C1orf21: variants seen among roughly 807,000 people sequenced by gnomAD.
The protein encoded by C1orf21 is chromosome 1 open reading frame 21.
A neutral mutation model predicts 18.7 loss-of-function variants in C1orf21; 3 were observed. The ratio of observed to expected loss-of-function variants is 0.16; its 90% confidence interval spans 0.07 to 0.42. C1orf21 has a LOEUF of 0.42. C1orf21 is among the 10% of genes least tolerant of loss of function. The pLI is 0.99. For synonymous variants in C1orf21, 41 were observed against 46.4 expected (o/e 0.88, Z 0.47); for missense variants, 104 against 143.6 (o/e 0.72, Z 1.41).
At chr1:184,397,192 G>A (rs1025002224) in intron 1 of C1orf21, among the ~76,000 whole-genome samples, 3 of 152,164 alleles carry the variant, frequency 2.0e-5, no homozygotes, top group Non-Finnish European at 4.4e-5. Flanking sequence ...GTATGAAGAA[G>A]TAAAACAAAT....
intron 3 of C1orf21, among the ~76,000 whole-genome samples, chr1:184,534,276 A>C (rs1050766031): frequency 1.2e-4 from 18 of 152,170 alleles, no homozygotes; most frequent in South Asian, 8.3e-4. Flanking sequence ...GAAAGGGAAA[A>C]AGAAAAGCTC....
At chr1:184,454,678 C>A (rs1384765181) in intron 1 of C1orf21, among the ~76,000 whole-genome samples, 2 of 152,072 alleles carry the variant, frequency 1.3e-5, no homozygotes, top group African/African-American at 4.8e-5. Context: ...CTCTCTTGCT[C>A]CTGTTCCTGC....
At chr1:184,464,590 A>G (rs1657359861) in intron 1 of C1orf21, among the ~76,000 whole-genome samples, 1 of 152,218 alleles carries the variant, frequency 6.6e-6, no homozygotes, top group Non-Finnish European at 1.5e-5. Context: ...TTCTGCCCTC[A>G]AAGCGCTTAG....
intron 5 of C1orf21, among the ~76,000 whole-genome samples, chr1:184,617,172 A>G (rs946571419): frequency 5.3e-5 from 8 of 152,188 alleles, no homozygotes; most frequent in African/African-American, 1.9e-4. Context: ...AATCCTGACC[A>G]TAACCCTATG....
chr1:184,616,391 T>C (rs1659824343), intron 5 of C1orf21, among the ~76,000 whole-genome samples: 1 of 152,254 alleles, frequency 6.6e-6, no homozygotes, highest in South Asian at 2.1e-4. Context: ...AGGACTGATA[T>C]AAATAGTACG....
intron 1 of C1orf21, among the ~76,000 whole-genome samples, chr1:184,476,990 A>T (rs1035179248): frequency 2.6e-5 from 4 of 152,250 alleles, no homozygotes; most frequent in South Asian, 2.1e-4. Context: ...AGCCTCCTGA[A>T]CTAGGTGGAT....
intron 1 of C1orf21, among the ~76,000 whole-genome samples, chr1:184,437,025 A>G (rs771830752): frequency 6.6e-6 from 1 of 152,114 alleles, no homozygotes. Context: ...ATTGTTGACA[A>G]CCCAGGGCCT....
intron 3 of C1orf21, among the ~76,000 whole-genome samples, chr1:184,589,568 T>C (rs1221299169): frequency 6.6e-6 from 1 of 152,250 alleles, no homozygotes; most frequent in East Asian, 1.9e-4. Flanking sequence ...TGTTTTATCC[T>C]TCTTAAATGT....
At chr1:184,529,427 GAGA>G (rs1054322512) in intron 3 of C1orf21, among the ~76,000 whole-genome samples, 31 of 152,210 alleles carry the variant, frequency 2.0e-4, no homozygotes, top group African/African-American at 7.0e-4. Context: ...AGACATGGAG[GAGA>G]AGAACAATCA....
At chr1:184,563,532 C>T (rs1010108501) in intron 3 of C1orf21, among the ~76,000 whole-genome samples, 13 of 152,116 alleles carry the variant, frequency 8.5e-5, no homozygotes, top group African/African-American at 3.1e-4. Flanking sequence ...AATTTCAGGC[C>T]GTCAGACTAG....
At chr1:184,389,548 G>A (rs1655937751) in intron 1 of C1orf21, among the ~76,000 whole-genome samples, 1 of 152,200 alleles carries the variant, frequency 6.6e-6, no homozygotes, top group African/African-American at 2.4e-5. Flanking sequence ...GATTCTTGAA[G>A]AATCACAGGG....
intron 3 of C1orf21, among the ~76,000 whole-genome samples, chr1:184,523,136 G>T (rs1418590730): frequency 2.6e-5 from 4 of 152,168 alleles, no homozygotes; most frequent in Admixed American, 1.3e-4. Flanking sequence ...CCCTTGAGGA[G>T]GTGGAACATT....
At chr1:184,613,889 C>G (rs1181184217) in intron 5 of C1orf21, among the ~76,000 whole-genome samples, 1 of 151,928 alleles carries the variant, frequency 6.6e-6, no homozygotes, top group Non-Finnish European at 1.5e-5. Flanking sequence ...ACAGGGAAAT[C>G]CCAGCTACTT....
intron 3 of C1orf21, among the ~76,000 whole-genome samples, chr1:184,545,306 C>G (rs1658713532): frequency 6.6e-6 from 1 of 151,956 alleles, no homozygotes; most frequent in African/African-American, 2.4e-5. Flanking sequence ...TCTGTATGTG[C>G]AGATATGAAA....
chr1:184,501,161 C>G (rs1026428887), intron 2 of C1orf21, among the ~76,000 whole-genome samples: 1 of 152,198 alleles, frequency 6.6e-6, no homozygotes, highest in Non-Finnish European at 1.5e-5. Flanking sequence ...GCTTCAGTGC[C>G]TGGACACTGG....
chr1:184,411,334 C>T (rs1042098231), intron 1 of C1orf21, among the ~76,000 whole-genome samples: 1 of 151,344 alleles, frequency 6.6e-6, no homozygotes, highest in Non-Finnish European at 1.5e-5. Context: ...GCTTTCCATA[C>T]TATCAAGTCA....
rs1397248311 is a variant in C1orf21 at position 184,400,049 on chromosome 1, G to C, written c.-125+12681G>C. Among the ~76,000 whole-genome samples, 8 of 151,702 alleles carry C rather than the reference G, an allele frequency of 5.3e-5. No homozygotes were observed. The East Asian group carries it at 1.5e-3, about 29-fold the overall frequency. ...TTTTTTAGTATCATTATGAACTTGT[G>C]GATTTTAACACAATTTATGTGTTTT... On this transcript the variant is annotated intron_variant, in intron 1 of 5. Coordinates refer to ENST00000235307, the MANE Select transcript of C1orf21 (RefSeq NM_030806.4).
intron 5 of C1orf21, among the ~76,000 whole-genome samples, chr1:184,617,137 C>A (rs1659838297): frequency 6.6e-6 from 1 of 152,122 alleles, no homozygotes; most frequent in Non-Finnish European, 1.5e-5. Context: ...TGACTACTTG[C>A]CAGACACTAT....
intron 1 of C1orf21, among the ~76,000 whole-genome samples, chr1:184,411,342 T>A (rs536171158): frequency 6.6e-5 from 10 of 152,134 alleles, no homozygotes; most frequent in African/African-American, 2.4e-4. Context: ...TACTATCAAG[T>A]CAGAGCATGG....
Sources: gnomAD v4.1 joint callset for allele counts (sites outside exome capture counted in the v4.1 genomes callset) on GRCh38, gnomAD v4.1.1 for gene constraint, MANE v1.5 for transcripts, NCBI Gene and HGNC (gene_info 2026-07-23, HGNC 2026-07-21) for gene names.